Variants in CAMKMT observed in about 807,000 individuals in gnomAD.
The protein encoded by CAMKMT is calmodulin-lysine N-methyltransferase.
In CAMKMT, 53 loss-of-function variants were observed where a neutral mutation model predicts 48.0. That is an observed-to-expected ratio of 1.10 (90% CI 0.89 to 1.39). The LOEUF (loss-of-function observed/expected upper bound fraction) is 1.39, where lower values mean the gene tolerates loss of function less well. CAMKMT is among the 40% of genes most tolerant of loss of function. The probability of loss-of-function intolerance (pLI) is 0.00; values close to 1 mark genes in which losing one functional copy is unlikely to be tolerated. For missense variants in CAMKMT, 428 were observed against 402.7 expected, an observed-to-expected ratio of 1.06 and a Z score of -0.54; for synonymous variants, 165 against 152.3, an observed-to-expected ratio of 1.08 and a Z score of -0.61.
chr2:44,495,818 A>G (rs1669726763), intron 3 of CAMKMT, among the ~76,000 whole-genome samples: 1 of 152,324 alleles, frequency 6.6e-6, no homozygotes, highest in Admixed American at 6.5e-5. Flanking sequence ...GAAAGCCACC[A>G]GTGAACAGGA....
At chr2:44,502,715 G>T (rs916350223) in intron 3 of CAMKMT, among the ~76,000 whole-genome samples, 1 of 152,094 alleles carries the variant, frequency 6.6e-6, no homozygotes, top group Admixed American at 6.6e-5. Context: ...AGCCCAGCAT[G>T]CATATCCACC....
At chr2:44,623,827 C>G (rs1009823796) in intron 3 of CAMKMT, among the ~76,000 whole-genome samples, 1 of 152,164 alleles carries the variant, frequency 6.6e-6, no homozygotes, top group African/African-American at 2.4e-5. Context: ...CAGGAAGCTA[C>G]AGATCCATGT....
chr2:44,478,289 T>G (rs1489759811), intron 3 of CAMKMT, among the ~76,000 whole-genome samples: 1 of 152,230 alleles, frequency 6.6e-6, no homozygotes, highest in Non-Finnish European at 1.5e-5. Flanking sequence ...TGTTTTGTTC[T>G]AAGTCTATAT....
intron 3 of CAMKMT, among the ~76,000 whole-genome samples, chr2:44,422,049 C>A (rs1310658699): frequency 1.3e-5 from 2 of 152,240 alleles, no homozygotes; most frequent in South Asian, 4.1e-4. Flanking sequence ...CCTGTCAAAT[C>A]TCACATTGAA....
chr2:44,650,857 A>G (rs1211847161), intron 3 of CAMKMT, among the ~76,000 whole-genome samples: 1 of 152,164 alleles, frequency 6.6e-6, no homozygotes, highest in East Asian at 1.9e-4. Context: ...ACAAGAAAAA[A>G]AAAAAACAGT....
chr2:44,748,191 A>T (rs1679995998), intron 8 of CAMKMT, among the ~76,000 whole-genome samples: 1 of 152,210 alleles, frequency 6.6e-6, no homozygotes, highest in Admixed American at 6.5e-5. Context: ...TGGAATAAAG[A>T]TCTATTAGAG....
chr2:44,464,374 T>A (rs1056596206), intron 3 of CAMKMT, among the ~76,000 whole-genome samples: 5 of 152,152 alleles, frequency 3.3e-5, no homozygotes, highest in Non-Finnish European at 7.3e-5. Flanking sequence ...AATATATACA[T>A]TATGGGAGTT....
At chr2:44,538,569 C>T (rs1458163537) in intron 3 of CAMKMT, among the ~76,000 whole-genome samples, 1 of 151,886 alleles carries the variant, frequency 6.6e-6, no homozygotes, top group African/African-American at 2.4e-5. Context: ...GGGAACTAAA[C>T]TATGAGAATG....
At chr2:44,708,879 C>T (rs1677716507) in intron 6 of CAMKMT, among the ~76,000 whole-genome samples, 1 of 151,888 alleles carries the variant, frequency 6.6e-6, no homozygotes, top group Non-Finnish European at 1.5e-5. Flanking sequence ...AAACTTTCAG[C>T]TTGGGCCCGG....
intron 3 of CAMKMT, among the ~76,000 whole-genome samples, chr2:44,692,771 G>T (rs1231619795): frequency 6.6e-6 from 1 of 152,080 alleles, no homozygotes; most frequent in African/African-American, 2.4e-5. Flanking sequence ...CTAACCCAAG[G>T]CTATCATTTT....
Position 44,522,875 on chromosome 2 carries a change from C to T in CAMKMT, c.376+132570C>T, listed in dbSNP as rs147248583. On this transcript the variant is annotated intron_variant, in intron 3 of 10. Transcript: ENST00000378494. ...GCAAGAATAAGCCAGGTAGCACTTC[C>T]AGTGTTCCACCTGCAGAATTCCTTA... Among the ~76,000 whole-genome samples the T allele has an allele frequency of 5.4e-4, 82 of 152,294 alleles. No individual in the cohort carries two copies. In the East Asian group the frequency reaches 8.1e-3, roughly 15 times the overall value.
chr2:44,527,197 A>T (rs1666164630), intron 3 of CAMKMT, among the ~76,000 whole-genome samples: 1 of 146,640 alleles, frequency 6.8e-6, no homozygotes, highest in Non-Finnish European at 1.5e-5. Context: ...GGCTCCAGTG[A>T]TCCTCCCATC....
chr2:44,605,273 C>A (rs1208136013), intron 3 of CAMKMT, among the ~76,000 whole-genome samples: 1 of 152,156 alleles, frequency 6.6e-6, no homozygotes, highest in Non-Finnish European at 1.5e-5. Flanking sequence ...TTGCCCTCTT[C>A]ACATTTTTTA....
At chr2:44,529,382 C>A (rs1218207023) in intron 3 of CAMKMT, among the ~76,000 whole-genome samples, 1 of 151,982 alleles carries the variant, frequency 6.6e-6, no homozygotes, top group Non-Finnish European at 1.5e-5. Flanking sequence ...GAAAAGCTTC[C>A]CTGTGTAGTT....
intron 3 of CAMKMT, among the ~76,000 whole-genome samples, chr2:44,483,695 A>T (rs944438482): frequency 6.6e-6 from 1 of 152,150 alleles, no homozygotes; most frequent in African/African-American, 2.4e-5. Context: ...ATAAAACAAA[A>T]ATAATTATAT....
rs577922816 is a variant in CAMKMT at position 44,745,795 on chromosome 2, G to A, written c.698+2099G>A. ...GGTAATGGTCTCTCTTCATATTCGC[G>A]GGGATGGGTAAGCTGCTTAGAAACT... On this transcript the variant is annotated intron_variant, in intron 8 of 10. Transcript: ENST00000378494. 1.1e-4 allele frequency among the ~76,000 whole-genome samples: 16 copies of A among 152,218 alleles called. No individual in the cohort carries two copies. The South Asian group carries it at 2.7e-3, about 26-fold the overall frequency.
intron 3 of CAMKMT, among the ~76,000 whole-genome samples, chr2:44,592,949 G>T (rs181909447): frequency 6.6e-5 from 10 of 152,302 alleles, no homozygotes; most frequent in Admixed American, 6.5e-4. Context: ...TGTTATTCAA[G>T]CCTTCTATGT....
chr2:44,363,545 T>A lies in CAMKMT; in HGVS notation c.138+1400T>A, dbSNP rs567068135. Among the ~76,000 whole-genome samples the A allele has an allele frequency of 4.5e-4, 65 of 143,230 alleles. 3 individuals carry two copies. In the South Asian group the frequency reaches 0.014, roughly 30 times the overall value. The allele number at this position is 143,230 out of a possible 152,430, so 94.0% of individuals were successfully genotyped here. A position where few individuals can be genotyped will look rare whatever the true frequency, so the allele number is the denominator to read the frequency against. ...GGCATGCACCACCACGCCTGGCTAA[T>A]TTTTTTTTTTTTTAAGTAGAGACGG... On this transcript the variant is annotated intron_variant, in intron 1 of 10. Transcript: ENST00000378494.
At chr2:44,408,599 G>T (rs903515312) in intron 3 of CAMKMT, among the ~76,000 whole-genome samples, 1 of 152,058 alleles carries the variant, frequency 6.6e-6, no homozygotes, top group Non-Finnish European at 1.5e-5. Context: ...TTAAATTAGA[G>T]CATGACTTTG....
Sources: allele counts gnomAD v4.1 joint callset (sites outside exome capture counted in the v4.1 genomes callset), GRCh38; gene constraint gnomAD v4.1.1; transcripts MANE v1.5; gene names NCBI Gene and HGNC (gene_info 2026-07-23, HGNC 2026-07-21).